Variants in PLXNA4 observed in about 807,000 individuals in gnomAD.
PLXNA4 encodes the protein plexin A4, also known as plexin-A4.
Under a neutral mutation model 191.8 loss-of-function variants are expected in PLXNA4, and 44 were observed. The observed-to-expected ratio is 0.23, with a 90% CI of 0.18 to 0.29. The LOEUF is 0.29. PLXNA4 is among the 10% of genes least tolerant of loss of function. The pLI, the probability that PLXNA4 is intolerant of heterozygous loss-of-function variation, is 1.00. For synonymous variants in PLXNA4, 1,082 were observed against 1,009.5 expected (o/e 1.07, Z -1.36); for missense variants, 1,800 against 2,488.8 (o/e 0.72, Z 5.89).
chr7:132,327,083 A>C (rs55917663), intron 3 of PLXNA4, among the ~76,000 whole-genome samples: 11,887 of 147,962 alleles, frequency 0.08, 727 homozygotes, highest in Admixed American at 0.19. Context: ...GAAAGGAGGG[A>C]GGGTAGGAAG....
rs1421280045 is a variant in PLXNA4, at chr7:132,129,647, ACT to A, written c.*830_*831del. 4 of 152,510 alleles carry A rather than the reference ACT, an allele frequency of 2.6e-5. No individual in the cohort carries two copies. Among genetic ancestry groups the A allele is most frequent in the African/African-American group, 9.7e-5 (4 of 41,410 alleles). The allele number at this position is 152,510 out of a possible 1,614,324, so 9.4% of individuals were successfully genotyped here. A position where few individuals can be genotyped will look rare whatever the true frequency, so the allele number is the denominator to read the frequency against. On this transcript the variant is annotated 3_prime_UTR_variant, in exon 32 of 32. Coordinates refer to ENST00000321063, the MANE Select transcript of PLXNA4 (RefSeq NM_020911.2). ...AAATTCTGCTTCCAGGGTAGATGCA[ACT>A]CTCTTTCCTTTTCTCCCCCTGTGTT...
chr7:132,560,468 T>G (rs950097192), intron 1 of PLXNA4, among the ~76,000 whole-genome samples: 1 of 152,168 alleles, frequency 6.6e-6, no homozygotes, highest in Non-Finnish European at 1.5e-5. Context: ...AATCTCTAGG[T>G]GGATCTTCTT....
At chr7:132,181,787 A>G (rs1317949537) in intron 17 of PLXNA4, among the ~76,000 whole-genome samples, 167 bp from the exon 18 acceptor site, 2 of 152,220 alleles carry the variant, frequency 1.3e-5, no homozygotes, top group African/African-American at 4.8e-5. Context: ...TAGGCTCTAT[A>G]GCTTGCACCC....
chr7:132,478,079 G>T (rs1298928866), intron 3 of PLXNA4, among the ~76,000 whole-genome samples: 1 of 152,114 alleles, frequency 6.6e-6, no homozygotes, highest in Non-Finnish European at 1.5e-5. Flanking sequence ...GCCCTTCCTA[G>T]GTCACAGAGC....
At chr7:132,203,450 A>C (rs1333957903) in intron 10 of PLXNA4, 31 bp from the exon 11 acceptor site, 2 of 1,595,132 alleles carry the variant, frequency 1.3e-6, no homozygotes, top group South Asian at 2.2e-5. Flanking sequence ...AGGAAAGAAG[A>C]AAGTGGGGTC....
intron 30 of PLXNA4, among the ~76,000 whole-genome samples, chr7:132,133,564 G>A (rs1488646095): frequency 6.6e-6 from 1 of 152,034 alleles, no homozygotes; most frequent in African/African-American, 2.4e-5. Context: ...TCCCACAGAC[G>A]CAAGGGATCT....
At chr7:132,464,359 G>C (rs1000280006) in intron 3 of PLXNA4, among the ~76,000 whole-genome samples, 6 of 152,174 alleles carry the variant, frequency 3.9e-5, no homozygotes, top group Non-Finnish European at 7.4e-5. Context: ...CCACCAGAAG[G>C]CCCCTGTGGC....
intron 2 of PLXNA4, among the ~76,000 whole-genome samples, chr7:132,625,631 C>T (rs1585413526): frequency 6.6e-6 from 1 of 152,286 alleles, no homozygotes; most frequent in Non-Finnish European, 1.5e-5. Context: ...ATCCGTTCAT[C>T]CTCATGCATT....
chr7:132,482,006 G>A (rs1797356181), intron 3 of PLXNA4, among the ~76,000 whole-genome samples: 1 of 152,196 alleles, frequency 6.6e-6, no homozygotes, highest in Admixed American at 6.5e-5. Flanking sequence ...GTGTTCCTGA[G>A]GAAGGCCGTG....
intron 3 of PLXNA4, among the ~76,000 whole-genome samples, chr7:132,312,586 G>A (rs1801786671): frequency 6.6e-6 from 1 of 152,166 alleles, no homozygotes; most frequent in South Asian, 2.1e-4. Flanking sequence ...CACTTACTCT[G>A]TCAAAGTGTT....
intron 4 of PLXNA4, among the ~76,000 whole-genome samples, chr7:132,244,895 T>C (rs1798996308): frequency 6.6e-6 from 1 of 152,348 alleles, no homozygotes; most frequent in Non-Finnish European, 1.5e-5. Flanking sequence ...CCAGTTACTA[T>C]CCACACCTTG....
chr7:132,372,571 T>C (rs1208786754), intron 3 of PLXNA4, among the ~76,000 whole-genome samples: 2 of 152,140 alleles, frequency 1.3e-5, no homozygotes, highest in African/African-American at 4.8e-5. Context: ...AAGCAACGTG[T>C]CCTCTCTATC....
chr7:132,141,266 T>C (rs1212043128), intron 29 of PLXNA4, among the ~76,000 whole-genome samples: 2 of 152,176 alleles, frequency 1.3e-5, no homozygotes, highest in Non-Finnish European at 2.9e-5. Context: ...CCATCTACTG[T>C]ATGACTTGGC....
At chr7:132,556,427 T>C (rs1338156403) in intron 1 of PLXNA4, among the ~76,000 whole-genome samples, 1 of 152,168 alleles carries the variant, frequency 6.6e-6, no homozygotes, top group Admixed American at 6.5e-5. Flanking sequence ...CTAACAAATA[T>C]TGGTAGGTAG....
chr7:132,230,745 G>T (rs1390697703), intron 5 of PLXNA4, among the ~76,000 whole-genome samples: 1 of 152,172 alleles, frequency 6.6e-6, no homozygotes, highest in Non-Finnish European at 1.5e-5. Flanking sequence ...CCAGAGAGCT[G>T]GTACGGGCTT....
chr7:132,424,473 G>A (rs1174163577), intron 3 of PLXNA4, among the ~76,000 whole-genome samples: 1 of 152,116 alleles, frequency 6.6e-6, no homozygotes, highest in African/African-American at 2.4e-5. Context: ...CCTTCTGTAG[G>A]GACCAAAATC....
At position 132,180,707 on chromosome 7, in the gene PLXNA4, G is replaced by C. The variant is rs1258316322; in HGVS notation, c.3518C>G (p.Ala1173Gly). The part of the protein sequence containing the change: ...LKGKNLIPPV[A>G]GGNVKLNYTV... ...GTAGTTCAGCTTCACGTTGCCCCCA[G>C]CCACAGGCGGGATCAGGTTCTTGCC... Residue 1173 changes from alanine to glycine, a missense_variant, in exon 19 of 32, where the codon GCT (alanine) becomes GGT (glycine). Physicochemically the swap from Ala to Gly is moderately conservative, Grantham distance 60 (BLOSUM62 0). Transcript: ENST00000321063. 1.2e-6 allele frequency: 2 copies of C among 1,614,028 alleles called. No individual in the cohort carries two copies. The highest frequency in any genetic ancestry group is 1.3e-5 in the African/African-American group (1 of 74,926).
At chr7:132,636,806 G>A (rs924529138) in intron 2 of PLXNA4, among the ~76,000 whole-genome samples, 1 of 152,168 alleles carries the variant, frequency 6.6e-6, no homozygotes, top group Non-Finnish European at 1.5e-5. Flanking sequence ...ACTGGCCTCA[G>A]GCACTGAATC....
At chr7:132,463,485 T>C (rs777276060) in intron 3 of PLXNA4, among the ~76,000 whole-genome samples, 2 of 152,176 alleles carry the variant, frequency 1.3e-5, no homozygotes, top group Non-Finnish European at 1.5e-5. Context: ...TTTTAGCCCA[T>C]TTGACAGATG....
Sources: allele counts gnomAD v4.1 joint callset (sites outside exome capture counted in the v4.1 genomes callset), GRCh38; gene constraint gnomAD v4.1.1; transcripts MANE v1.5; gene names NCBI Gene and HGNC (gene_info 2026-07-23, HGNC 2026-07-21).